The following ERICH1 variants were observed in gnomAD, a reference collection of about 807,000 sequenced individuals.
The protein encoded by ERICH1 is glutamate-rich protein 1.
In ERICH1, 56 loss-of-function variants were observed where a neutral mutation model predicts 39.6. The observed-to-expected ratio is 1.41, with a 90% CI of 1.14 to 1.77. The LOEUF (loss-of-function observed/expected upper bound fraction) is 1.77. Ranked by LOEUF, ERICH1 falls within the 40% of genes most tolerant of loss-of-function variation. ERICH1 has a pLI of 0.00. For synonymous variants in ERICH1, 313 were observed against 223.6 expected, an observed-to-expected ratio of 1.40 and a Z score of -3.57; for missense variants, 826 against 575.4, an observed-to-expected ratio of 1.44 and a Z score of -4.45.
chr8:627,356 A>T, intron 3 of ERICH1: 1 of 387,586 alleles, frequency 2.6e-6, no homozygotes, highest in Non-Finnish European at 5.3e-6. Context: ...CCATTCCTGG[A>T]CAGGAAAAGT....
At chr8:658,164 C>G (rs535103682) in intron 3 of ERICH1, among the ~76,000 whole-genome samples, 1 of 152,324 alleles carries the variant, frequency 6.6e-6, no homozygotes, top group African/African-American at 2.4e-5. Flanking sequence ...TCGGCTGCAG[C>G]TGGACTGTGG....
At chr8:619,858 T>C in intron 3 of ERICH1, among the ~76,000 whole-genome samples, 1 of 152,120 alleles carries the variant, frequency 6.6e-6, no homozygotes, top group East Asian at 1.9e-4. Flanking sequence ...TAAAATAAAA[T>C]TTGATGTTAA....
chr8:727,159 A>G lies in ERICH1; in HGVS notation c.22+3981T>C, dbSNP rs577636515. Reference sequence around the variant, plus strand: ...CCTGCACAGATGCACACAGACATGCATGCACACATACACCAGACACGTGTG... The same window carrying G: ...CCTGCACAGATGCACACAGACATGCGTGCACACATACACCAGACACGTGTG... On this transcript the variant is annotated intron_variant, in intron 1 of 5. Transcript: ENST00000262109. 3.3e-5 allele frequency among the ~76,000 whole-genome samples: 5 copies of G among 152,328 alleles called. No homozygotes were observed. In the East Asian group the frequency reaches 7.7e-4, roughly 23 times the overall value.
intron 3 of ERICH1, among the ~76,000 whole-genome samples, chr8:657,660 T>C (rs1247203104): frequency 6.6e-6 from 1 of 151,210 alleles, no homozygotes; most frequent in African/African-American, 2.4e-5. Flanking sequence ...GATTATGGAG[T>C]TCATCTGCGT....
At chr8:617,539 C>G (rs1335452164) in intron 3 of ERICH1, among the ~76,000 whole-genome samples, 1 of 151,622 alleles carries the variant, frequency 6.6e-6, no homozygotes, top group East Asian at 1.9e-4. Flanking sequence ...TCACTGCCCT[C>G]TGAGTGCTCA....
At chr8:662,235 A>C (rs1162584418), downstream of ERICH1, among the ~76,000 whole-genome samples, 1 of 152,276 alleles carries the variant, frequency 6.6e-6, no homozygotes, top group Admixed American at 6.5e-5. Flanking sequence ...CTTGCAGGGG[A>C]TGGAGAAGGT....
At chr8:698,847 G>T (rs733932) in intron 2 of ERICH1, among the ~76,000 whole-genome samples, 2 of 151,130 alleles carry the variant, frequency 1.3e-5, no homozygotes, top group Non-Finnish European at 2.9e-5. Flanking sequence ...GTGCACCTCC[G>T]TCCTCCTCAG....
At chr8:657,583 T>A (rs1018963805) in intron 3 of ERICH1, among the ~76,000 whole-genome samples, 1 of 150,724 alleles carries the variant, frequency 6.6e-6, no homozygotes, top group Non-Finnish European at 1.5e-5. Context: ...GTCTCCCTGA[T>A]GGTAAATCTA....
chr8:638,936 G>C (rs1321362119), intron 3 of ERICH1, among the ~76,000 whole-genome samples: 1 of 152,098 alleles, frequency 6.6e-6, no homozygotes, highest in Non-Finnish European at 1.5e-5. Context: ...TGACAAGACA[G>C]TTTTGAACCC....
intron 3 of ERICH1, among the ~76,000 whole-genome samples, chr8:643,076 G>A (rs1000933766): frequency 6.6e-6 from 1 of 151,662 alleles, no homozygotes; most frequent in East Asian, 2.0e-4. Flanking sequence ...GCCCCTCACG[G>A]CCCCAGGACA....
chr8:672,239 A>C (rs1331113533), intron 4 of ERICH1: 4 of 152,216 alleles, frequency 2.6e-5, no homozygotes, highest in Admixed American at 2.0e-4. Context: ...AAGTTTACTG[A>C]GATCTTTCTG....
intron 1 of ERICH1, chr8:725,108 T>TC (rs1818279241): frequency 5.7e-6 from 1 of 174,820 alleles, no homozygotes; most frequent in Non-Finnish European, 1.2e-5. Context: ...CTCTCTGGCT[T>TC]CTTGTCTGCT....
intron 3 of ERICH1, among the ~76,000 whole-genome samples, chr8:631,993 C>T (rs1280029073): frequency 2.6e-5 from 4 of 152,182 alleles, no homozygotes; most frequent in African/African-American, 9.7e-5. Context: ...GTCAGACATC[C>T]TATGCTGCTT....
intron 2 of ERICH1, among the ~76,000 whole-genome samples, chr8:714,014 T>C (rs1223074176): frequency 7.7e-6 from 1 of 129,680 alleles, no homozygotes; most frequent in African/African-American, 3.2e-5. Context: ...TCTTCCGGCA[T>C]CTCTCGGTGG....
At chr8:705,332 C>T (rs973890493) in intron 2 of ERICH1, among the ~76,000 whole-genome samples, 7 of 152,220 alleles carry the variant, frequency 4.6e-5, no homozygotes, top group Non-Finnish European at 1.0e-4. Context: ...CGCGATGGCC[C>T]GTGCAGAAGT....
chr8:615,507 C>A (rs1796858773), intron 3 of ERICH1: 1 of 437,200 alleles, frequency 2.3e-6, no homozygotes, highest in Non-Finnish European at 4.0e-6. Context: ...TGACACCATT[C>A]CTGCAAAGGG....
downstream of ERICH1, among the ~76,000 whole-genome samples, chr8:662,146 AT>A (rs1801511001): frequency 6.6e-6 from 1 of 151,854 alleles, no homozygotes; most frequent in African/African-American, 2.4e-5. Flanking sequence ...GTGAACCACC[AT>A]CCCCTGCAAG....
intron 3 of ERICH1, among the ~76,000 whole-genome samples, chr8:687,659 G>T (rs1367076271): frequency 6.6e-6 from 1 of 152,160 alleles, no homozygotes; most frequent in Non-Finnish European, 1.5e-5. Context: ...GCGCCCGGGC[G>T]GCCCAGGCGA....
chr8:728,550 C>T (rs1405553036), intron 1 of ERICH1, among the ~76,000 whole-genome samples: 2 of 152,192 alleles, frequency 1.3e-5, no homozygotes, highest in Non-Finnish European at 2.9e-5. Flanking sequence ...CGCTGGCTAC[C>T]CTATATGCCA....
Sources: allele counts gnomAD v4.1 joint callset (sites outside exome capture counted in the v4.1 genomes callset), GRCh38; gene constraint gnomAD v4.1.1; transcripts MANE v1.5; gene names NCBI Gene and HGNC (gene_info 2026-07-23, HGNC 2026-07-21).